The following MPHOSPH9 variants were observed in gnomAD, a reference collection of about 807,000 sequenced individuals.
MPHOSPH9 encodes the protein M-phase phosphoprotein 9.
MPHOSPH9 carries 88 observed loss-of-function variants against 145.5 expected under a neutral mutation model. The ratio of observed to expected loss-of-function variants is 0.60; its 90% CI spans 0.51 to 0.72. MPHOSPH9 has a LOEUF of 0.72. Among genes scored for constraint, MPHOSPH9 ranks in the 30% least tolerant of loss-of-function variants. The pLI is 0.00. For missense variants in MPHOSPH9, 1,238 were observed against 1,386.6 expected (o/e 0.89, Z 1.70); for synonymous variants, 435 against 486.2 (o/e 0.89, Z 1.39).
chr12:123,161,213 A>G lies in MPHOSPH9; in HGVS notation c.3304T>C (p.Phe1102Leu), dbSNP rs1231246784. The change falls in exon 22 of 24, where the codon TTT becomes CTT. Residue 1102 changes from phenylalanine to leucine, a missense_variant. Transcript: ENST00000606320. Reference sequence around the variant, plus strand: ...GTCCGAATTTTTGCTGTATATTCAAAATCATTCCCCTGTGGAGTGACTGAA... The same window carrying G: ...GTCCGAATTTTTGCTGTATATTCAAGATCATTCCCCTGTGGAGTGACTGAA... ...PVSVTPQGND[F>L]EYTAKIRTLA... 1.2e-6 allele frequency: 2 copies of G among 1,614,082 alleles called. No individual in the cohort carries two copies. The highest frequency in any genetic ancestry group is 4.5e-5 in the East Asian group (2 of 44,890).
At chr12:123,204,746 A>G (rs937081987) in intron 8 of MPHOSPH9, among the ~76,000 whole-genome samples, 1 of 152,110 alleles carries the variant, frequency 6.6e-6, no homozygotes, top group Non-Finnish European at 1.5e-5. Flanking sequence ...GTGGTGGCGC[A>G]GGCCTGTAAT....
At chr12:123,195,157 T>TA (rs2138264635) in intron 12 of MPHOSPH9, among the ~76,000 whole-genome samples, 1 of 152,262 alleles carries the variant, frequency 6.6e-6, no homozygotes, top group South Asian at 2.1e-4. Flanking sequence ...TAATAGCTCC[T>TA]ACAGTTCACT....
chr12:123,234,431 T>G (rs949281455), upstream of MPHOSPH9, among the ~76,000 whole-genome samples: 4 of 152,122 alleles, frequency 2.6e-5, no homozygotes, highest in Non-Finnish European at 4.4e-5. Context: ...GGTCTCTCTC[T>G]GTCACCCAGG....
chr12:123,167,553 A>C (rs2044371088), intron 16 of MPHOSPH9, among the ~76,000 whole-genome samples: 1 of 152,118 alleles, frequency 6.6e-6, no homozygotes, highest in South Asian at 2.1e-4. Context: ...AGCTTAGTGG[A>C]CTGTGGACTG....
chr12:123,156,992 A>C (rs557372282), intron 23 of MPHOSPH9, 84 bp from the exon 24 acceptor site: 34 of 946,614 alleles, frequency 3.6e-5, no homozygotes, highest in Non-Finnish European at 5.4e-5. Context: ...TCTTTTAGCA[A>C]AAGAGCAAGT....
chr12:123,198,449 C>T (rs1003634093), intron 11 of MPHOSPH9, 115 bp from the exon 12 acceptor site: 2 of 805,060 alleles, frequency 2.5e-6, no homozygotes, highest in African/African-American at 1.8e-5. Flanking sequence ...CCAGTGTTAA[C>T]TAAGACTCAG....
chr12:123,169,046 G>A (rs764121866), intron 16 of MPHOSPH9, among the ~76,000 whole-genome samples: 1 of 151,134 alleles, frequency 6.6e-6, no homozygotes, highest in African/African-American at 2.4e-5. Context: ...CACCACGCCC[G>A]GCTAATTTTT....
intron 2 of MPHOSPH9, 64 bp downstream of exon 2, chr12:123,230,197 T>C: frequency 1.2e-6 from 1 of 842,238 alleles, no homozygotes; most frequent in East Asian, 2.8e-5. Context: ...TTTGGATAAG[T>C]TGATAAACGT....
At position 123,166,690 on chromosome 12, in the gene MPHOSPH9, G is replaced by A. The variant is rs760008693; in HGVS notation, c.2556C>T (p.Asn852=). The change falls in exon 17 of 24, where the codon AAC becomes AAT. Residue 852 remains asparagine, a synonymous_variant. Coordinates refer to ENST00000606320, the MANE Select transcript of MPHOSPH9 (RefSeq NM_022782.4). ...TGQPLDTQDS[N]VDNQLEETCS... is the part of the protein sequence containing the mutation. ...AGGTTTCCTCCAGCTGGTTATCCAC[G>A]TTACTGTCCTGGGTGTCCAGAGGCT... 40 of 1,613,884 alleles carry A rather than the reference G, an allele frequency of 2.5e-5. No homozygotes were observed. In the African/African-American group the frequency reaches 2.8e-4, roughly 11 times the overall value.
chr12:123,174,933 C>T (rs1028807055), intron 16 of MPHOSPH9, among the ~76,000 whole-genome samples: 1 of 152,100 alleles, frequency 6.6e-6, no homozygotes, highest in Admixed American at 6.5e-5. Flanking sequence ...GATCCTACCT[C>T]TAGAATCTCT....
chr12:123,187,956 T>A (rs1182667053), intron 13 of MPHOSPH9, among the ~76,000 whole-genome samples: 1 of 152,122 alleles, frequency 6.6e-6, no homozygotes, highest in Non-Finnish European at 1.5e-5. Context: ...TGAAACTGTC[T>A]CTAGTAAAAA....
Position 123,227,484 on chromosome 12 carries a change from C to G in MPHOSPH9, c.237G>C (p.Ser79=). 1 of 1,496,990 alleles carries G rather than the reference C, an allele frequency of 6.7e-7. No homozygotes were observed. Among genetic ancestry groups the G allele is most frequent in the African/African-American group, 1.4e-5 (1 of 71,688 alleles). The allele number at this position is 1,496,990 out of a possible 1,614,324, so 92.7% of individuals were successfully genotyped here. The change falls in exon 3 of 24, where the codon TCG becomes TCC. Residue 79 remains serine (S), a synonymous_variant. Coordinates refer to ENST00000606320, the MANE Select transcript of MPHOSPH9 (RefSeq NM_022782.4). The part of the protein sequence containing the change: ...QELQNSGKTD[S]ELWKNCETRW... ...ATACCTCACAGTTTTTCCAAAGTTC[C>G]GAATCAGTCTTTCCACTGTTTTGTA...
intron 13 of MPHOSPH9, among the ~76,000 whole-genome samples, chr12:123,185,299 G>T (rs2138149416): frequency 6.7e-6 from 1 of 150,230 alleles, no homozygotes; most frequent in African/African-American, 2.4e-5. Context: ...TATTAAAAAT[G>T]ATCAATCAGA....
chr12:123,179,116 C>T (rs1216368716), intron 15 of MPHOSPH9, among the ~76,000 whole-genome samples: 4 of 152,140 alleles, frequency 2.6e-5, no homozygotes, highest in Non-Finnish European at 5.9e-5. Flanking sequence ...ACCATCAGTA[C>T]ATTTTAATTA....
intron 23 of MPHOSPH9, 81 bp downstream of exon 23, chr12:123,160,697 CATG>C: frequency 7.8e-7 from 1 of 1,285,498 alleles, no homozygotes; most frequent in Non-Finnish European, 1.1e-6. Context: ...TTCACTGTGC[CATG>C]ATTTTTTAAA....
At chr12:123,181,811 G>C (rs2045165771) in intron 13 of MPHOSPH9, among the ~76,000 whole-genome samples, 1 of 152,074 alleles carries the variant, frequency 6.6e-6, no homozygotes, top group Non-Finnish European at 1.5e-5. Flanking sequence ...AGACTGCAGT[G>C]AGCTTGTAGT....
chr12:123,166,573 G>C, intron 17 of MPHOSPH9, 82 bp downstream of exon 17: 2 of 1,476,576 alleles, frequency 1.4e-6, no homozygotes, highest in Middle Eastern at 2.0e-4. Context: ...CAAAGAGAGG[G>C]CTTCCCAAAC....
chr12:123,229,040 C>T (rs1401053358), intron 2 of MPHOSPH9, among the ~76,000 whole-genome samples: 1 of 152,210 alleles, frequency 6.6e-6, no homozygotes, highest in Non-Finnish European at 1.5e-5. Context: ...TTTTTTACAA[C>T]TCCCCACCCC....
intron 16 of MPHOSPH9, among the ~76,000 whole-genome samples, chr12:123,167,318 G>T (rs1362996583): frequency 6.6e-6 from 1 of 152,170 alleles, no homozygotes; most frequent in Admixed American, 6.5e-5. Flanking sequence ...TCAAAATGGA[G>T]TCACTAATGT....
Sources: allele counts gnomAD v4.1 joint callset (sites outside exome capture counted in the v4.1 genomes callset), GRCh38; gene constraint gnomAD v4.1.1; transcripts MANE v1.5; gene names NCBI Gene and HGNC (gene_info 2026-07-23, HGNC 2026-07-21).